ATRNL1: variants seen among roughly 807,000 people sequenced by gnomAD.
The protein encoded by ATRNL1 is attractin like 1.
ATRNL1 carries 95 observed loss-of-function variants against 182.7 expected under a neutral mutation model. The observed-to-expected ratio is 0.52, with a 90% CI of 0.44 to 0.62. ATRNL1 has a LOEUF of 0.62. Ranked by LOEUF, ATRNL1 falls within the 20% of genes least tolerant of loss-of-function variation. The pLI, the probability that ATRNL1 is intolerant of heterozygous loss-of-function variation, is 0.00. For synonymous variants in ATRNL1, 576 were observed against 568.3 expected (o/e 1.01, Z -0.19); for missense variants, 1,471 against 1,679.5 (o/e 0.88, Z 2.17).
At chr10:115,174,978 A>G (rs571204844) in intron 8 of ATRNL1, among the ~76,000 whole-genome samples, 1 of 152,120 alleles carries the variant, frequency 6.6e-6, no homozygotes, top group South Asian at 2.1e-4. Context: ...CAAGGCTGAA[A>G]TAGATGCTAT....
intron 20 of ATRNL1, among the ~76,000 whole-genome samples, chr10:115,397,561 G>C (rs1190242980): frequency 6.6e-6 from 1 of 151,910 alleles, no homozygotes; most frequent in Non-Finnish European, 1.5e-5. Flanking sequence ...AGAATGGAAT[G>C]AAGAAAGTAT....
chr10:115,196,261 A>G (rs1246597272), intron 8 of ATRNL1, among the ~76,000 whole-genome samples: 1 of 152,078 alleles, frequency 6.6e-6, no homozygotes, highest in Non-Finnish European at 1.5e-5. Flanking sequence ...AATTGGCCAT[A>G]TATGTGTGAG....
At chr10:115,866,949 G>A (rs1360014861) in intron 28 of ATRNL1, among the ~76,000 whole-genome samples, 1 of 152,174 alleles carries the variant, frequency 6.6e-6, no homozygotes, top group Non-Finnish European at 1.5e-5. Flanking sequence ...GAAGGGAACA[G>A]ATGTCAGTTT....
intron 19 of ATRNL1, among the ~76,000 whole-genome samples, chr10:115,371,886 T>A (rs989859342): frequency 6.6e-6 from 1 of 152,254 alleles, no homozygotes; most frequent in South Asian, 2.1e-4. Flanking sequence ...GTAATTCCCA[T>A]GTGTTGTGGA....
chr10:115,874,731 A>G (rs1284635166), intron 28 of ATRNL1, among the ~76,000 whole-genome samples: 1 of 152,200 alleles, frequency 6.6e-6, no homozygotes, highest in Non-Finnish European at 1.5e-5. Flanking sequence ...GAGGTGGAGA[A>G]GCACAGTCTA....
intron 5 of ATRNL1, among the ~76,000 whole-genome samples, chr10:115,159,182 T>C (rs1846661580): frequency 6.6e-6 from 1 of 151,560 alleles, no homozygotes; most frequent in Non-Finnish European, 1.5e-5. Context: ...AATGTATGTT[T>C]GTTTTATGCT....
chr10:115,356,385 C>T (rs1455707354), intron 19 of ATRNL1, among the ~76,000 whole-genome samples: 4 of 152,020 alleles, frequency 2.6e-5, no homozygotes, highest in Non-Finnish European at 4.4e-5. Flanking sequence ...GTACATACTA[C>T]GTTCTGTGTT....
chr10:115,779,752 T>G (rs1949216371), intron 27 of ATRNL1, among the ~76,000 whole-genome samples: 1 of 152,222 alleles, frequency 6.6e-6, no homozygotes, highest in Non-Finnish European at 1.5e-5. Context: ...GGAAATACTC[T>G]CAATGATTTA....
chr10:115,378,504 A>C (rs1187779347), intron 19 of ATRNL1, among the ~76,000 whole-genome samples: 1 of 152,328 alleles, frequency 6.6e-6, no homozygotes, highest in African/African-American at 2.4e-5. Flanking sequence ...ACTGGGACCA[A>C]GATCCAAGGC....
intron 24 of ATRNL1, among the ~76,000 whole-genome samples, chr10:115,472,295 T>C (rs1422492562): frequency 3.3e-5 from 5 of 151,184 alleles, no homozygotes; most frequent in Non-Finnish European, 5.9e-5. Flanking sequence ...CCAGCTTTGT[T>C]CTTCTTTTAT....
At chr10:115,621,276 T>TATATATATATATATAGAGAGAG (rs1268020830) in intron 26 of ATRNL1, among the ~76,000 whole-genome samples, 2 of 47,580 alleles carry the variant, frequency 4.2e-5, no homozygotes, top group African/African-American at 7.4e-5. Context: ...TATATATATA[T>TATATATATATATATAGAGAGAG]AGAGAGAGAG....
In ATRNL1 at chr10:115,727,308, C is replaced by T. The variant is rs1315222032; in HGVS notation, c.3856C>T (p.Leu1286=). Residue 1286 remains leucine (L), a synonymous_variant, in exon 27 of 29, where the codon CTG becomes TTG. Transcript: ENST00000355044. ...SRPFASVDVA[L]EVGAEQTEFL... ...TCCCTTTGCTTCTGTTGATGTAGCT[C>T]TGGAAGTGGGAGCTGAACAAACAGA... 1 of 1,613,976 alleles carries T rather than the reference C, an allele frequency of 6.2e-7. No homozygotes were observed. Among genetic ancestry groups the T allele is most frequent in the Non-Finnish European group, 8.5e-7 (1 of 1,180,000 alleles).
rs185622717 is a variant in ATRNL1 at position 115,567,704 on chromosome 10, A to T, written c.3795+18168A>T. On this transcript the variant is annotated intron_variant, in intron 26 of 28. Transcript: ENST00000355044. ...CAGGAACTTTTTTTAAATTTTGTTAAAATGTACTTATTTTGAATGTTTCCT... is the reference window on the plus strand; with the variant it reads ...CAGGAACTTTTTTTAAATTTTGTTATAATGTACTTATTTTGAATGTTTCCT... 1.5e-3 allele frequency among the ~76,000 whole-genome samples: 222 copies of T among 152,248 alleles called. 1 individual carries two copies. The highest frequency in any genetic ancestry group is 4.8e-3 in the African/African-American group (198 of 41,570).
At chr10:115,614,673 A>ATAT (rs2133787231) in intron 26 of ATRNL1, among the ~76,000 whole-genome samples, 1 of 152,086 alleles carries the variant, frequency 6.6e-6, no homozygotes, top group East Asian at 1.9e-4. Flanking sequence ...TCTTTGATTA[A>ATAT]TATTTGCTTT....
intron 26 of ATRNL1, among the ~76,000 whole-genome samples, chr10:115,678,302 A>G (rs1945932558): frequency 6.6e-6 from 1 of 152,146 alleles, no homozygotes; most frequent in South Asian, 2.1e-4. Context: ...GATCATTTCT[A>G]TGATTTAACT....
At chr10:115,879,446 C>A (rs539854372) in intron 28 of ATRNL1, among the ~76,000 whole-genome samples, 1 of 152,056 alleles carries the variant, frequency 6.6e-6, no homozygotes, top group East Asian at 1.9e-4. Context: ...ATGCTCAAAG[C>A]ATGATGCTAT....
chr10:115,738,118 A>G (rs1164273924), intron 27 of ATRNL1, among the ~76,000 whole-genome samples: 1 of 92,958 alleles, frequency 1.1e-5, no homozygotes, highest in Non-Finnish European at 2.4e-5. Context: ...ATGATTTAGA[A>G]GATAATGATT....
At chr10:115,583,105 A>G (rs2133891997) in intron 26 of ATRNL1, among the ~76,000 whole-genome samples, 1 of 150,008 alleles carries the variant, frequency 6.7e-6, no homozygotes, top group South Asian at 2.2e-4. Context: ...ATTGATCTAT[A>G]TCTCTGTTTT....
At chr10:115,256,191 G>A (rs1358541919) in intron 10 of ATRNL1, among the ~76,000 whole-genome samples, 2 of 152,140 alleles carry the variant, frequency 1.3e-5, no homozygotes, top group Admixed American at 6.6e-5. Flanking sequence ...TCTATTGATT[G>A]GGATAGTTTC....
Sources: allele counts gnomAD v4.1 joint callset (sites outside exome capture counted in the v4.1 genomes callset), GRCh38; gene constraint gnomAD v4.1.1; transcripts MANE v1.5; gene names NCBI Gene and HGNC (gene_info 2026-07-23, HGNC 2026-07-21).